The following CDYL2 variants were observed in gnomAD, a reference collection of about 807,000 sequenced individuals.
CDYL2 encodes the protein chromodomain Y-like protein 2.
A neutral mutation model predicts 49.4 loss-of-function variants in CDYL2; 23 were observed. The observed-to-expected ratio is 0.47, with a 90% CI of 0.34 to 0.66. CDYL2 has a LOEUF of 0.66. Ranked by LOEUF, CDYL2 falls within the 30% of genes least tolerant of loss-of-function variation. CDYL2 has a pLI of 0.01. For missense variants in CDYL2, 678 were observed against 656.4 expected (o/e 1.03, Z -0.36); for synonymous variants, 360 against 268.8 (o/e 1.34, Z -3.32).
intron 1 of CDYL2, among the ~76,000 whole-genome samples, chr16:80,714,435 T>C (rs954318970): frequency 1.3e-5 from 2 of 152,182 alleles, no homozygotes; most frequent in African/African-American, 4.8e-5. Flanking sequence ...AATATCACTG[T>C]GTATCCCATA....
At chr16:80,690,670 C>T (rs1316279220) in intron 1 of CDYL2, among the ~76,000 whole-genome samples, 1 of 152,104 alleles carries the variant, frequency 6.6e-6, no homozygotes, top group African/African-American at 2.4e-5. Flanking sequence ...CTGACCAAGG[C>T]TGGCAGCATA....
chr16:80,759,252 T>G (rs1906446552), intron 1 of CDYL2, among the ~76,000 whole-genome samples: 1 of 150,928 alleles, frequency 6.6e-6, no homozygotes, highest in Non-Finnish European at 1.5e-5. Flanking sequence ...GATGGATGTA[T>G]GCATAATTTC....
At chr16:80,750,360 T>G (rs926075204) in intron 1 of CDYL2, among the ~76,000 whole-genome samples, 21 of 145,400 alleles carry the variant, frequency 1.4e-4, no homozygotes, top group Non-Finnish European at 2.3e-4. Flanking sequence ...CACAAAATAA[T>G]TAACAGAAAT....
rs1478414404 is a variant in CDYL2, at chr16:80,600,229, G to A, written c.*4159C>T. The A allele has an allele frequency of 7.2e-6, 1 of 138,858 alleles. No homozygotes were observed. Among genetic ancestry groups the A allele is most frequent in the African/African-American group, 2.9e-5 (1 of 34,046 alleles). 8.6% of individuals were successfully genotyped at this position (138,858 alleles called of 1,614,324 possible). On this transcript the variant is annotated 3_prime_UTR_variant, in exon 7 of 7. Coordinates refer to ENST00000570137, the MANE Select transcript of CDYL2 (RefSeq NM_152342.4). The stretch of plus-strand genomic sequence containing the variant: ...ATTAACCTGCTCTCCAACAATATAA[G>A]AGCATTATATTCTAATGAAAAAATT...
intron 1 of CDYL2, among the ~76,000 whole-genome samples, chr16:80,687,792 T>G (rs1359875268): frequency 6.6e-6 from 1 of 152,204 alleles, no homozygotes; most frequent in Non-Finnish European, 1.5e-5. Context: ...CTCAGATGAC[T>G]CATAGAGCAA....
chr16:80,640,300 C>G (rs56854553), intron 2 of CDYL2, among the ~76,000 whole-genome samples: 7,489 of 152,234 alleles, frequency 0.049, 622 homozygotes, highest in African/African-American at 0.17. Flanking sequence ...GGATGGGGCA[C>G]TGGTCAGAGT....
chr16:80,684,036 C>T (rs936057722), intron 2 of CDYL2, among the ~76,000 whole-genome samples: 2 of 152,224 alleles, frequency 1.3e-5, no homozygotes, highest in African/African-American at 2.4e-5. Flanking sequence ...CAGGCACTGG[C>T]GTGGTGAACT....
Position 80,776,094 on chromosome 16 carries a change from AC to A in CDYL2, c.24+28055del, listed in dbSNP as rs1361387593. Among the ~76,000 whole-genome samples the A allele has an allele frequency of 9.2e-5, 14 of 152,124 alleles. No homozygotes were observed. In the East Asian group the frequency reaches 2.1e-3, roughly 23 times the overall value. Reference sequence around the variant, plus strand: ...TTTGATTATACAGCAATTTAAAAACACCCTCCCACGTTAATTCTTCAGTAAA... The same window carrying A: ...TTTGATTATACAGCAATTTAAAAACACCTCCCACGTTAATTCTTCAGTAAA... On this transcript the variant is annotated intron_variant, in intron 1 of 6. Transcript: ENST00000570137.
chr16:80,763,510 G>C (rs886998352), intron 1 of CDYL2, among the ~76,000 whole-genome samples: 2 of 152,184 alleles, frequency 1.3e-5, no homozygotes, highest in African/African-American at 4.8e-5. Flanking sequence ...AGCTTGGGAG[G>C]CTGAGGTGGG....
chr16:80,709,967 G>A lies in CDYL2; in HGVS notation c.25-24838C>T, dbSNP rs541212317. Among the ~76,000 whole-genome samples the A allele has an allele frequency of 9.5e-5, 14 of 148,126 alleles. No homozygotes were observed. In the South Asian group the frequency reaches 2.1e-3, roughly 23 times the overall value. ...TTTTAACATGGAGTTTCACTCTTTCGCCCAGCCTGGAGTGCGGTGGTGCTA... is the reference window on the plus strand; with the variant it reads ...TTTTAACATGGAGTTTCACTCTTTCACCCAGCCTGGAGTGCGGTGGTGCTA... On this transcript the variant is annotated intron_variant, in intron 1 of 6. Coordinates refer to ENST00000570137, the MANE Select transcript of CDYL2 (RefSeq NM_152342.4).
chr16:80,625,149 G>T (rs1907246483), intron 3 of CDYL2, among the ~76,000 whole-genome samples: 1 of 152,188 alleles, frequency 6.6e-6, no homozygotes, highest in South Asian at 2.1e-4. Context: ...AGTCCCTTAG[G>T]TCAGATGTCT....
intron 1 of CDYL2, among the ~76,000 whole-genome samples, chr16:80,770,883 T>A (rs1026981428): frequency 2.0e-5 from 3 of 152,124 alleles, no homozygotes; most frequent in Non-Finnish European, 4.4e-5. Context: ...ACAGCCAAGA[T>A]CTGGGAGAAA....
intron 1 of CDYL2, among the ~76,000 whole-genome samples, chr16:80,742,738 G>C (rs986824646): frequency 6.6e-6 from 1 of 151,584 alleles, no homozygotes; most frequent in Non-Finnish European, 1.5e-5. Flanking sequence ...GGGTAGGTGG[G>C]TGAGTGAGTG....
At chr16:80,739,783 C>T (rs1350118976) in intron 1 of CDYL2, among the ~76,000 whole-genome samples, 1 of 152,224 alleles carries the variant, frequency 6.6e-6, no homozygotes, top group Non-Finnish European at 1.5e-5. Context: ...CACTGCCTTA[C>T]TCCCTGCCAA....
At chr16:80,695,446 G>C (rs1020803290) in intron 1 of CDYL2, among the ~76,000 whole-genome samples, 7 of 152,140 alleles carry the variant, frequency 4.6e-5, no homozygotes, top group African/African-American at 1.7e-4. Context: ...CCAGTTAAAA[G>C]ATAAAGAATG....
intron 1 of CDYL2, among the ~76,000 whole-genome samples, chr16:80,733,305 G>C (rs191597545): frequency 6.6e-6 from 1 of 152,212 alleles, no homozygotes; most frequent in Non-Finnish European, 1.5e-5. Flanking sequence ...AGTTGCAGCA[G>C]GCTGGGGAGC....
At chr16:80,795,215 TG>T (rs1259921165) in intron 1 of CDYL2, among the ~76,000 whole-genome samples, 2 of 152,128 alleles carry the variant, frequency 1.3e-5, no homozygotes, top group Non-Finnish European at 2.9e-5. Flanking sequence ...AGTATGGCAA[TG>T]TGTAGCCCAG....
At chr16:80,709,307 G>A (rs924179298) in intron 1 of CDYL2, among the ~76,000 whole-genome samples, 10 of 151,798 alleles carry the variant, frequency 6.6e-5, no homozygotes, top group Non-Finnish European at 1.2e-4. Flanking sequence ...ACTTGAACCC[G>A]GGGAGTGGAG....
intron 1 of CDYL2, among the ~76,000 whole-genome samples, chr16:80,724,218 G>A (rs1462935845): frequency 6.8e-6 from 1 of 147,816 alleles, no homozygotes; most frequent in East Asian, 2.0e-4. Flanking sequence ...GGAGAAGAAA[G>A]AGGAAGAGGA....
Sources: gnomAD v4.1 joint callset for allele counts (sites outside exome capture counted in the v4.1 genomes callset) on GRCh38, gnomAD v4.1.1 for gene constraint, MANE v1.5 for transcripts, NCBI Gene and HGNC (gene_info 2026-07-23, HGNC 2026-07-21) for gene names.